The following DSC2 variants were observed in gnomAD, a reference collection of about 807,000 sequenced individuals.
DSC2 encodes desmocollin-2.
In DSC2, 51 loss-of-function variants were observed where a neutral mutation model predicts 87.6. The observed-to-expected ratio is 0.58, with a 90% CI of 0.46 to 0.74. The LOEUF is 0.74. DSC2 is among the 30% of genes least tolerant of loss of function. DSC2 has a pLI of 0.00. For missense variants in DSC2, 1,066 were observed against 1,089.5 expected (o/e 0.98, Z 0.30); for synonymous variants, 383 against 393.2 (o/e 0.97, Z 0.31).
At position 31,077,669 on chromosome 18, in the gene DSC2, T is replaced by C. The variant is rs546960976; in HGVS notation, c.1663+2178A>G. Among the ~76,000 whole-genome samples the C allele has an allele frequency of 2.0e-5, 3 of 152,334 alleles. No individual in the cohort carries two copies. The South Asian group carries it at 6.2e-4, about 32-fold the overall frequency. On this transcript the variant is annotated intron_variant, in intron 11 of 15. Transcript: ENST00000280904. ...TGTTTTATTCATTGGAATGTCAGCA[T>C]AAAATGCTCATCTTCTAGTAATAAT...
Position 31,101,919 on chromosome 18 carries a change from A to C in DSC2, c.53T>G (p.Leu18Arg). The change falls in exon 1 of 16, where the codon CTC becomes CGC. Residue 18 changes from leucine (L) to arginine (R), a missense_variant. By Grantham distance (102) the Leu-to-Arg change is moderately radical (BLOSUM62 -2). Coordinates refer to ENST00000280904, the MANE Select transcript of DSC2 (RefSeq NM_024422.6). The stretch of plus-strand genomic sequence containing the variant: ...TACACTCACCGCGAGGGTCAGCAGG[A>C]GCAGCCGGCAGAGGGCTCCGTTCCA... Reference protein sequence around the residue: ...GSWNGALCRLLLLTLAILIFA... With the variant: ...GSWNGALCRLRLLTLAILIFA... 2.6e-6 allele frequency: 4 copies of C among 1,531,240 alleles called. No homozygotes were observed. The highest frequency in any genetic ancestry group is 3.5e-6 in the Non-Finnish European group (4 of 1,144,236). The allele number at this position is 1,531,240 out of a possible 1,614,324, so 94.9% of individuals were successfully genotyped here. A position where few individuals can be genotyped will look rare whatever the true frequency, so the allele number is the denominator to read the frequency against.
Position 31,092,006 on chromosome 18 carries a change from T to G in DSC2, c.354+95A>C. The G allele has an allele frequency of 2.2e-6, 3 of 1,346,780 alleles. No individual in the cohort carries two copies. The South Asian group carries it at 4.0e-5, about 18-fold the overall frequency. The allele number at this position is 1,346,780 out of a possible 1,614,324, so 83.4% of individuals were successfully genotyped here. On this transcript the variant is annotated intron_variant, in intron 3 of 15. Coordinates refer to ENST00000280904, the MANE Select transcript of DSC2 (RefSeq NM_024422.6). ...GTTTTCATTCGTCTTTAAGCCAAAC[T>G]ATACCATATCCTTTCTGATTTCATA...
rs1893963 is a variant in DSC2, at chr18:31,069,076, T to C, written c.2326A>G (p.Ile776Val). 0.1 allele frequency: 166,579 copies of C among 1,613,930 alleles called. 12,799 individuals carry two copies. Among genetic ancestry groups the C allele is most frequent in the African/African-American group, 0.4 (30,305 of 74,892 alleles). Residue 776 changes from isoleucine (I) to valine (V), a missense_variant, in exon 15 of 16, where the codon ATC (isoleucine) becomes GTC (valine). Coordinates refer to ENST00000280904, the MANE Select transcript of DSC2 (RefSeq NM_024422.6). ...ATGGTCTCCTGACCTCCGTTTTTGA[T>C]TCCTGATCCCACGGTGCCACAAACT... The part of the protein sequence containing the change: ...QGVCGTVGSG[I>V]KNGGQETIEM...
At chr18:31,080,641 G>T (rs961868496) in intron 9 of DSC2, among the ~76,000 whole-genome samples, 1 of 152,108 alleles carries the variant, frequency 6.6e-6, no homozygotes, top group Non-Finnish European at 1.5e-5. Context: ...ACAAGATCTG[G>T]TTGTTCAAAA....
chr18:31,076,296 G>A (rs949983189), intron 11 of DSC2, among the ~76,000 whole-genome samples: 2 of 152,076 alleles, frequency 1.3e-5, no homozygotes, highest in Non-Finnish European at 2.9e-5. Flanking sequence ...GTTCTAAACC[G>A]TGGGCCACAG....
At chr18:31,087,917 G>T in intron 5 of DSC2, 104 bp from the exon 6 acceptor site, 1 of 1,146,932 alleles carries the variant, frequency 8.7e-7, no homozygotes, top group Non-Finnish European at 1.3e-6. Context: ...CAGAACTACA[G>T]TATGAGTCTC....
chr18:31,079,137 T>A (rs894067149), intron 11 of DSC2, among the ~76,000 whole-genome samples: 4 of 152,198 alleles, frequency 2.6e-5, no homozygotes, highest in Non-Finnish European at 4.4e-5. Context: ...ACTGTGTAAG[T>A]ATGTTTTCCA....
At position 31,082,280 on chromosome 18, in the gene DSC2, T is replaced by A; in HGVS notation, c.1221A>T (p.Val407=). The part of the protein sequence containing the change: ...KGNENGNFKI[V]TDAKTNEGVL... ...CTCCTTCATTGGTTTTGGCATCTGT[T>A]ACAATTTTAAAATTGCCATTTTCAT... The change falls in exon 9 of 16, where the codon GTA becomes GTT. Residue 407 remains valine, a synonymous_variant. Coordinates refer to ENST00000280904, the MANE Select transcript of DSC2 (RefSeq NM_024422.6). 1.2e-6 allele frequency: 2 copies of A among 1,613,810 alleles called. No individual in the cohort carries two copies. The highest frequency in any genetic ancestry group is 1.7e-6 in the Non-Finnish European group (2 of 1,179,938).
At chr18:31,101,749 T>TCC in intron 1 of DSC2, 154 bp downstream of exon 1, 1 of 660,406 alleles carries the variant, frequency 1.5e-6, no homozygotes, top group Non-Finnish European at 2.5e-6. Context: ...CTATCTGCCC[T>TCC]CCCCCACCCC....
chr18:31,096,505 G>A (rs1987764581), intron 1 of DSC2, among the ~76,000 whole-genome samples: 1 of 152,096 alleles, frequency 6.6e-6, no homozygotes, highest in Non-Finnish European at 1.5e-5. Flanking sequence ...ACAAATTTGA[G>A]CCACAAGTAA....
rs1986667273 is a variant in DSC2 at position 31,067,610 on chromosome 18, G to A, written c.*405C>T. On this transcript the variant is annotated 3_prime_UTR_variant, in exon 16 of 16. Coordinates refer to ENST00000280904, the MANE Select transcript of DSC2 (RefSeq NM_024422.6). Reference sequence around the variant, plus strand: ...AAACAACAGTTTCCAAGCACCACATGAACACTTAATTAACTGGAGATAATG... The same window carrying A: ...AAACAACAGTTTCCAAGCACCACATAAACACTTAATTAACTGGAGATAATG... The A allele has an allele frequency of 4.7e-6, 1 of 212,118 alleles. No individual in the cohort carries two copies. The highest frequency in any genetic ancestry group is 5.3e-5 in the Admixed American group (1 of 18,718). 13.1% of individuals were successfully genotyped at this position (212,118 alleles called of 1,614,324 possible). A position where few individuals can be genotyped will look rare whatever the true frequency, so the allele number is the denominator to read the frequency against.
chr18:31,087,562 C>T, intron 6 of DSC2, 107 bp downstream of exon 6: 1 of 1,326,950 alleles, frequency 7.5e-7, no homozygotes, highest in Non-Finnish European at 1.1e-6. Flanking sequence ...CCCAGAGTCC[C>T]TTATTCTTGC....
intron 6 of DSC2, 38 bp downstream of exon 6, chr18:31,087,631 C>A: frequency 6.3e-7 from 1 of 1,598,674 alleles, no homozygotes; most frequent in Non-Finnish European, 8.5e-7. Flanking sequence ...AATTGAAACA[C>A]AGTTAATTTG....
chr18:31,059,403 A>T lies in DSC2; in HGVS notation c.*8612T>A, dbSNP rs1436739360. 6.6e-6 allele frequency: 1 copy of T among 152,166 alleles called. No homozygotes were observed. Among genetic ancestry groups the T allele is most frequent in the African/African-American group, 2.4e-5 (1 of 41,432 alleles). 9.4% of individuals were successfully genotyped at this position (152,166 alleles called of 1,614,324 possible). A position where few individuals can be genotyped will look rare whatever the true frequency, so the allele number is the denominator to read the frequency against. ...TTTAAGACCAAAAGCACATGAATGC[A>T]CTCAGTTATGATAATGTGAGATGAT... On this transcript the variant is annotated 3_prime_UTR_variant, in exon 16 of 16. Transcript: ENST00000280904.
Position 31,089,794 on chromosome 18 carries a change from G to A in DSC2, c.475-200C>T, listed in dbSNP as rs141255767. On this transcript the variant is annotated intron_variant, in intron 4 of 15. Coordinates refer to ENST00000280904, the MANE Select transcript of DSC2 (RefSeq NM_024422.6). The stretch of plus-strand genomic sequence containing the variant: ...AGCAAGGCATGAGTAAAATAATGTA[G>A]TGCATCTTAGTTCTCCAGAATAACT... 5.1e-3 allele frequency among the ~76,000 whole-genome samples: 783 copies of A among 152,200 alleles called. 7 individuals are homozygous for A. Among genetic ancestry groups the A allele is most frequent in the African/African-American group, 0.018 (749 of 41,538 alleles).
rs1039274785 is a variant in DSC2, at chr18:31,059,768, C to T, written c.*8247G>A. The stretch of plus-strand genomic sequence containing the variant: ...AGATTATAATAATTTGGAAACCTAT[C>T]CTAGTTTTAAAATACTACTATAGTT... On this transcript the variant is annotated 3_prime_UTR_variant, in exon 16 of 16. Transcript: ENST00000280904. 4 of 152,032 alleles carry T rather than the reference C, an allele frequency of 2.6e-5. No homozygotes were observed. The highest frequency in any genetic ancestry group is 9.7e-5 in the African/African-American group (4 of 41,386). The allele number at this position is 152,032 out of a possible 1,614,324, so 9.4% of individuals were successfully genotyped here.
At chr18:31,089,409 C>T (rs1987514284) in intron 5 of DSC2, 30 bp downstream of exon 5, 2 of 1,612,724 alleles carry the variant, frequency 1.2e-6, no homozygotes, top group Non-Finnish European at 1.7e-6. Flanking sequence ...ATCATCATTG[C>T]TAATACAGTA....
At chr18:31,084,121 A>G (rs1987320527) in intron 7 of DSC2, among the ~76,000 whole-genome samples, 1 of 152,150 alleles carries the variant, frequency 6.6e-6, no homozygotes, top group African/African-American at 2.4e-5. Flanking sequence ...TTCTCTTACA[A>G]AGATTCTTCC....
chr18:31,101,218 C>T (rs1340599976), intron 1 of DSC2: 2 of 985,246 alleles, frequency 2.0e-6, no homozygotes, highest in Non-Finnish European at 2.4e-6. Context: ...TACAAATGCT[C>T]ACCTAGGGCT....
Sources: allele counts gnomAD v4.1 joint callset (sites outside exome capture counted in the v4.1 genomes callset), GRCh38; gene constraint gnomAD v4.1.1; transcripts MANE v1.5; gene names NCBI Gene and HGNC (gene_info 2026-07-23, HGNC 2026-07-21).